Variants in FAT1 observed in about 807,000 individuals in gnomAD.
FAT1 encodes protocadherin Fat 1.
A neutral mutation model predicts 329.8 loss-of-function variants in FAT1; 171 were observed. That is an observed-to-expected ratio of 0.52 (90% CI 0.46 to 0.59). The LOEUF is 0.59. FAT1 is among the 20% of genes least tolerant of loss of function. The pLI is 0.00. For synonymous variants in FAT1, 2,233 were observed against 2,228.6 expected (o/e 1.00, Z -0.06); for missense variants, 5,672 against 5,774.4 (o/e 0.98, Z 0.57).
At chr4:186,611,155 T>C (rs1739425153) in intron 14 of FAT1, among the ~76,000 whole-genome samples, 1 of 152,170 alleles carries the variant, frequency 6.6e-6, no homozygotes, top group South Asian at 2.1e-4. Context: ...TTTAAGTTAA[T>C]TTGCTTGTAT....
At position 186,649,640 on chromosome 4, in the gene FAT1, G is replaced by C. The variant is rs968420671; in HGVS notation, c.3581-9857C>G. Among the ~76,000 whole-genome samples the C allele has an allele frequency of 6.6e-5, 10 of 152,274 alleles. No individual in the cohort carries two copies. The East Asian group carries it at 1.5e-3, about 24-fold the overall frequency. ...CAAGCCAGCAGGTTCCTGGAGACTG[G>C]GAGGAGCGAGGATAGGTCCTTCCTT... On this transcript the variant is annotated intron_variant, in intron 3 of 26. Transcript: ENST00000441802.
At position 186,675,032 on chromosome 4, in the gene FAT1, T is replaced by TCAAAAA. The variant is rs905713909; in HGVS notation, c.3266-11425_3266-11420dup. Among the ~76,000 whole-genome samples, 20 of 152,078 alleles carry TCAAAAA rather than the reference T, an allele frequency of 1.3e-4. No individual in the cohort carries two copies. In the South Asian group the frequency reaches 3.8e-3, roughly 29 times the overall value. ...CTGGGCAACAGAGTGAGACCTTGTC[T>TCAAAAA]CAAAAACAAAAACAAAAACAAAAAA... On this transcript the variant is annotated intron_variant, in intron 2 of 26. Coordinates refer to ENST00000441802, the MANE Select transcript of FAT1 (RefSeq NM_005245.4).
At chr4:186,639,862 G>C (rs1019955546) in intron 3 of FAT1, 79 bp from the exon 4 acceptor site, 2 of 1,214,010 alleles carry the variant, frequency 1.6e-6, no homozygotes, top group Non-Finnish European at 2.4e-6. Context: ...CACACTCTTG[G>C]CCAGGTGCGG....
chr4:186,705,196 C>A (rs11723776), intron 2 of FAT1, among the ~76,000 whole-genome samples: 3 of 150,460 alleles, frequency 2.0e-5, no homozygotes, highest in Non-Finnish European at 4.4e-5. Flanking sequence ...CTCCCACCTG[C>A]GCCTCCCAAA....
At chr4:186,689,400 T>C (rs749082424) in intron 2 of FAT1, among the ~76,000 whole-genome samples, 7 of 152,238 alleles carry the variant, frequency 4.6e-5, no homozygotes, top group Non-Finnish European at 8.8e-5. Flanking sequence ...GACATTTTTT[T>C]TCTTTTTGCA....
intron 2 of FAT1, among the ~76,000 whole-genome samples, chr4:186,675,565 T>C (rs770951195): frequency 5.9e-5 from 9 of 152,052 alleles, no homozygotes; most frequent in Non-Finnish European, 1.0e-4. Flanking sequence ...CCAGGAGTTC[T>C]AGACCAGGCT....
chr4:186,595,823 T>C lies in FAT1; in HGVS notation c.13004A>G (p.Lys4335Arg). The stretch of plus-strand genomic sequence containing the variant: ...AAGACAGGGATCAAGATCCACCACT[T>C]TTGCTAAAAGGAAGGATGACAAACA... ...KPSWDFDYDT[K>R]VVDLDPCLSK... Residue 4335 changes from lysine to arginine, a missense_variant, in exon 26 of 27, where the codon AAA (lysine) becomes AGA (arginine). Around this residue, in one of 2 missense-constraint regions of FAT1, gnomAD observed 1,706 missense variants for 1,859.1 expected, o/e 0.92. Transcript: ENST00000441802. The C allele has an allele frequency of 6.2e-7, 1 of 1,613,848 alleles. No individual in the cohort carries two copies.
rs763184584 is a variant in FAT1 at position 186,619,457 on chromosome 4, T to C, written c.7129A>G (p.Thr2377Ala). 17 of 1,613,988 alleles carry C rather than the reference T, an allele frequency of 1.1e-5. No individual in the cohort carries two copies. The highest frequency in any genetic ancestry group is 1.4e-5 in the Non-Finnish European group (17 of 1,179,890). The change falls in exon 10 of 27, where the codon ACG becomes GCG. Residue 2377 changes from threonine to alanine, a missense_variant. This residue lies in a region of FAT1 where 3,966 missense variants were observed against 3,915.2 expected (regional missense o/e 1.01). Transcript: ENST00000441802. ...TCATTGAGGTCGGTAACGTCCACCG[T>C]GACAATCACATCACTGCTCAGCGTG... ...MPTLSSDVIV[T>A]VDVTDLNDNP...
At position 186,597,664 on chromosome 4, in the gene FAT1, T is replaced by A; in HGVS notation, c.12368+18A>T. On this transcript the variant is annotated intron_variant, in intron 24 of 26. Coordinates refer to ENST00000441802, the MANE Select transcript of FAT1 (RefSeq NM_005245.4). ...CTATGAAAAGGTATGAACCTAAATT[T>A]TGAAAGAAACCATTTACCTTTCTCC... 1 of 1,598,154 alleles carries A rather than the reference T, an allele frequency of 6.3e-7. No individual in the cohort carries two copies. The highest frequency in any genetic ancestry group is 8.6e-7 in the Non-Finnish European group (1 of 1,165,776).
In FAT1 at chr4:186,621,392, T is replaced by A; in HGVS notation, c.5194A>T (p.Ile1732Phe). 6.2e-7 allele frequency: 1 copy of A among 1,614,020 alleles called. No individual in the cohort carries two copies. Among genetic ancestry groups the A allele is most frequent in the Non-Finnish European group, 8.5e-7 (1 of 1,179,896 alleles). ...QKALDFETLPIYTLIIQGTNM... is the reference protein window; with the variant it reads ...QKALDFETLPFYTLIIQGTNM... ...GTTCCTTGTATTATCAATGTGTAAA[T>A]GGGCAAAGTTTCAAAGTCCAGGGCT... The change falls in exon 10 of 27, where the codon ATT becomes TTT. Residue 1732 changes from isoleucine to phenylalanine, a missense_variant. Around this residue, in one of 2 missense-constraint regions of FAT1, gnomAD observed 3,966 missense variants for 3,915.2 expected, o/e 1.01. Transcript: ENST00000441802.
chr4:186,679,711 T>C (rs1302286810), intron 2 of FAT1, among the ~76,000 whole-genome samples: 1 of 152,122 alleles, frequency 6.6e-6, no homozygotes, highest in Non-Finnish European at 1.5e-5. Context: ...AGGAAAAGCA[T>C]GTTATCAAGT....
At chr4:186,603,150 G>C (rs770846922) in intron 19 of FAT1, 26 bp downstream of exon 19, 3 of 1,609,296 alleles carry the variant, frequency 1.9e-6, no homozygotes, top group Admixed American at 1.7e-5. Context: ...CTGTGACACC[G>C]ACTTTCATAC....
chr4:186,623,055 T>C (rs1257718872), intron 9 of FAT1, among the ~76,000 whole-genome samples: 1 of 152,218 alleles, frequency 6.6e-6, no homozygotes, highest in African/African-American at 2.4e-5. Flanking sequence ...CTTCCTTTCA[T>C]ACATTTTCCA....
At chr4:186,648,924 A>G (rs908357212) in intron 3 of FAT1, among the ~76,000 whole-genome samples, 5 of 152,190 alleles carry the variant, frequency 3.3e-5, no homozygotes, top group Non-Finnish European at 4.4e-5. Context: ...TTTTTTTAAC[A>G]GTTTTGTTTT....
intron 26 of FAT1, among the ~76,000 whole-genome samples, chr4:186,592,521 T>C (rs1031074641): frequency 5.3e-5 from 8 of 152,222 alleles, no homozygotes; most frequent in African/African-American, 1.9e-4. Context: ...CATTGAGATA[T>C]TTTTTGCAAA....
rs377093870 is a variant in FAT1 at position 186,627,083 on chromosome 4, A to AGAAT, written c.4810+1067_4810+1070dup. Among the ~76,000 whole-genome samples the AGAAT allele has an allele frequency of 3.7e-3, 414 of 112,530 alleles. 33 individuals are homozygous for AGAAT. The highest frequency in any genetic ancestry group is 0.018 in the African/African-American group (373 of 20,918). 73.8% of individuals were successfully genotyped at this position (112,530 alleles called of 152,430 possible). Reference sequence around the variant, plus strand: ...CATAAAGTGAGCTTCACCAGCCCACAGAATGAATGAATGAATGAATGAATG... The same window carrying AGAAT: ...CATAAAGTGAGCTTCACCAGCCCACAGAATGAATGAATGAATGAATGAATGAATG... On this transcript the variant is annotated intron_variant, in intron 9 of 26. Transcript: ENST00000441802.
At chr4:186,613,476 C>T in intron 12 of FAT1, 134 bp from the exon 13 acceptor site, 1 of 686,860 alleles carries the variant, frequency 1.5e-6, no homozygotes, top group Non-Finnish European at 2.5e-6. Context: ...CCAGTATTAT[C>T]AATGACAGAT....
chr4:186,628,756 AT>A lies in FAT1; in HGVS notation c.4330del (p.Ile1444SerfsTer3). On this transcript the variant is annotated frameshift_variant, in exon 8 of 27. Transcript: ENST00000441802. LOFTEE classifies it high-confidence loss of function. ...ATGGTCATTTGTGTCTATTACTTTG[AT>A]GAATACCTGTAATGGATGACAAAAT... ...GTTTILTQVF[I>X]KVIDTNDHRP... is the part of the protein sequence containing the mutation. The A allele has an allele frequency of 6.2e-7, 1 of 1,612,454 alleles. No homozygotes were observed. Among genetic ancestry groups the A allele is most frequent in the Non-Finnish European group, 8.5e-7 (1 of 1,179,528 alleles).
intron 1 of FAT1, 50 bp from the exon 2 acceptor site, chr4:186,709,895 A>C (rs1287312715): frequency 2.7e-6 from 4 of 1,469,422 alleles, no homozygotes; most frequent in African/African-American, 2.8e-5. Context: ...AAAACAAGCA[A>C]AAGTGTGTAC....
Sources: allele counts gnomAD v4.1 joint callset (sites outside exome capture counted in the v4.1 genomes callset), GRCh38; gene constraint gnomAD v4.1.1; regional missense constraint gnomAD v4.1.1; transcripts MANE v1.5; gene names NCBI Gene and HGNC (gene_info 2026-07-23, HGNC 2026-07-21).